Variants in PYGL observed in about 807,000 individuals in gnomAD.
The protein encoded by PYGL is glycogen phosphorylase L.
Under a neutral mutation model 100.1 loss-of-function variants are expected in PYGL, and 90 were observed. The observed-to-expected ratio is 0.90, with a 90% confidence interval of 0.76 to 1.07. PYGL has a LOEUF of 1.07. Among genes scored for constraint, PYGL ranks in the 50% least tolerant of loss-of-function variants. PYGL has a pLI of 0.00. For missense variants in PYGL, 1,016 were observed against 1,057.6 expected, an observed-to-expected ratio of 0.96 and a Z score of 0.55; for synonymous variants, 373 against 393.0, an observed-to-expected ratio of 0.95 and a Z score of 0.60.
At chr14:50,918,925 C>G (rs1209741292) in intron 7 of PYGL, among the ~76,000 whole-genome samples, 1 of 152,182 alleles carries the variant, frequency 6.6e-6, no homozygotes, top group Non-Finnish European at 1.5e-5. Context: ...CTCCCTAATA[C>G]TTAAAAGTAT....
Position 50,912,110 on chromosome 14 carries a change from C to T in PYGL, c.1768+46G>A, listed in dbSNP as rs199963850. The T allele has an allele frequency of 2.4e-5, 39 of 1,614,034 alleles. No homozygotes were observed. The East Asian group carries it at 8.7e-4, about 36-fold the overall frequency. ...GGCAGTGAGACCTATGCTGAGTCTG[C>T]TGCTTCCACCTGCAAGGGGGCTTGT... On this transcript the variant is annotated intron_variant, in intron 14 of 19. Transcript: ENST00000216392.
intron 6 of PYGL, 55 bp downstream of exon 6, chr14:50,920,901 C>T (rs1461135322): frequency 1.3e-6 from 2 of 1,512,482 alleles, no homozygotes; most frequent in Non-Finnish European, 1.8e-6. Context: ...TTCTAACTAC[C>T]AATCAAAAAG....
chr14:50,916,305 C>T (rs943917217), intron 9 of PYGL, among the ~76,000 whole-genome samples: 1 of 152,180 alleles, frequency 6.6e-6, no homozygotes, highest in Admixed American at 6.5e-5. Context: ...ATGTAAAATG[C>T]TGACTTCTAA....
At chr14:50,942,467 A>C (rs1221069877) in intron 1 of PYGL, among the ~76,000 whole-genome samples, 2 of 140,290 alleles carry the variant, frequency 1.4e-5, no homozygotes, top group African/African-American at 2.5e-5. Context: ...GTTAAAAATA[A>C]TTTTTAATGA....
At chr14:50,915,103 T>G in intron 11 of PYGL, 1 of 639,250 alleles carries the variant, frequency 1.6e-6, no homozygotes. Context: ...TTTTGTTTGT[T>G]TGTTTGTTTT....
chr14:50,936,542 C>T (rs2050654413), intron 2 of PYGL, among the ~76,000 whole-genome samples: 1 of 152,216 alleles, frequency 6.6e-6, no homozygotes, highest in Admixed American at 6.5e-5. Flanking sequence ...GGCACGGTGA[C>T]TCACACTTGT....
chr14:50,916,564 A>G (rs2050451584), intron 9 of PYGL, 78 bp downstream of exon 9: 2 of 1,323,802 alleles, frequency 1.5e-6, no homozygotes, highest in Non-Finnish European at 2.2e-6. Flanking sequence ...TTGAAAAACT[A>G]AAAAGGGAGT....
intron 19 of PYGL, among the ~76,000 whole-genome samples, chr14:50,906,955 C>A (rs1368355114): frequency 6.6e-6 from 1 of 152,154 alleles, no homozygotes; most frequent in Non-Finnish European, 1.5e-5. Flanking sequence ...TAGGAACTAC[C>A]CTTTTATCTG....
chr14:50,920,207 T>C (rs2050487802), intron 7 of PYGL, among the ~76,000 whole-genome samples: 1 of 152,170 alleles, frequency 6.6e-6, no homozygotes, highest in Non-Finnish European at 1.5e-5. Context: ...ACTTTGCAGA[T>C]AAAATTTCTA....
At chr14:50,908,473 A>G in intron 18 of PYGL, 136 bp from the exon 19 acceptor site, 1 of 879,152 alleles carries the variant, frequency 1.1e-6, no homozygotes, top group Non-Finnish European at 1.8e-6. Flanking sequence ...TTCTGTTTGT[A>G]AGACTTTTAA....
chr14:50,923,916 T>C, intron 5 of PYGL, 53 bp downstream of exon 5: 2 of 1,557,072 alleles, frequency 1.3e-6, no homozygotes, highest in South Asian at 1.1e-5. Context: ...CAATGTATTA[T>C]CTACTGTACT....
Position 50,944,238 on chromosome 14 carries a change from G to A in PYGL, c.166C>T (p.Leu56=), listed in dbSNP as rs143343506. 13 of 1,613,440 alleles carry A rather than the reference G, an allele frequency of 8.1e-6. No individual in the cohort carries two copies. The African/African-American group carries it at 1.5e-4, about 18-fold the overall frequency. The part of the protein sequence containing the change: ...VATTRDYYFA[L]AHTVRDHLVG... The stretch of plus-strand genomic sequence containing the variant: ...AGGTGGTCGCGCACCGTGTGCGCCA[G>A]CGCGAAGTAGTAGTCGCGGGTGGTG... The change falls in exon 1 of 20, where the codon CTG becomes TTG. Residue 56 remains leucine, a synonymous_variant. Coordinates refer to ENST00000216392, the MANE Select transcript of PYGL (RefSeq NM_002863.5).
chr14:50,905,332 ATGT>A lies in PYGL; in HGVS notation c.*57_*59del. 1.3e-6 allele frequency: 2 copies of A among 1,515,648 alleles called. No homozygotes were observed. Among genetic ancestry groups the A allele is most frequent in the Non-Finnish European group, 9.2e-7 (1 of 1,092,548 alleles). The allele number at this position is 1,515,648 out of a possible 1,614,324, so 93.9% of individuals were successfully genotyped here. On this transcript the variant is annotated 3_prime_UTR_variant, in exon 20 of 20. Coordinates refer to ENST00000216392, the MANE Select transcript of PYGL (RefSeq NM_002863.5). ...TAGCTAACAAAACAAAAACCAGTGA[ATGT>A]TGTAAAAATGTTCAAGTTCAGTAAG...
chr14:50,907,461 A>G (rs1324309425), intron 19 of PYGL, among the ~76,000 whole-genome samples: 1 of 152,142 alleles, frequency 6.6e-6, no homozygotes, highest in African/African-American at 2.4e-5. Flanking sequence ...AGAATCTCTC[A>G]GTGCGGGGGC....
chr14:50,926,725 C>CAAAAAAAAA (rs60411526), intron 4 of PYGL, among the ~76,000 whole-genome samples: 13 of 42,832 alleles, frequency 3.0e-4, no homozygotes, highest in African/African-American at 3.2e-4. Flanking sequence ...GACTCTGTCT[C>CAAAAAAAAA]AAAAAAAAAA....
At chr14:50,928,904 T>C (rs1035995222) in intron 4 of PYGL, among the ~76,000 whole-genome samples, 2 of 152,210 alleles carry the variant, frequency 1.3e-5, no homozygotes, top group Admixed American at 1.3e-4. Flanking sequence ...ATTTTATGTT[T>C]GACGGTTAAA....
intron 1 of PYGL, among the ~76,000 whole-genome samples, chr14:50,939,876 A>G (rs2050688928): frequency 6.6e-6 from 1 of 152,252 alleles, no homozygotes; most frequent in Non-Finnish European, 1.5e-5. Flanking sequence ...AAAACAAAAT[A>G]TTATTTGAAA....
intron 12 of PYGL, among the ~76,000 whole-genome samples, chr14:50,913,528 C>T (rs988179471): frequency 2.0e-5 from 3 of 151,710 alleles, no homozygotes; most frequent in African/African-American, 2.4e-5. Flanking sequence ...CCTGCCACCA[C>T]GCCTGGCTAA....
At chr14:50,919,243 G>T (rs1240791060) in intron 7 of PYGL, among the ~76,000 whole-genome samples, 2 of 152,216 alleles carry the variant, frequency 1.3e-5, no homozygotes, top group Non-Finnish European at 2.9e-5. Context: ...TGGCAGTACG[G>T]TCCCAGACTT....
Sources: gnomAD v4.1 joint callset for allele counts (sites outside exome capture counted in the v4.1 genomes callset) on GRCh38, gnomAD v4.1.1 for gene constraint, MANE v1.5 for transcripts, NCBI Gene and HGNC (gene_info 2026-07-23, HGNC 2026-07-21) for gene names.